The following BRME1 variants were observed in gnomAD, a reference collection of about 807,000 sequenced individuals.
The protein encoded by BRME1 is break repair meiotic recombinase recruitment factor 1.
A neutral mutation model predicts 52.6 loss-of-function variants in BRME1; 31 were observed. That is an observed-to-expected ratio of 0.59 (90% CI 0.44 to 0.80). The LOEUF (loss-of-function observed/expected upper bound fraction) is 0.80, where lower values mean the gene tolerates loss of function less well. BRME1 is among the 30% of genes least tolerant of loss of function. The probability of loss-of-function intolerance (pLI) is 0.00; values close to 1 mark genes in which losing one functional copy is unlikely to be tolerated. For synonymous variants in BRME1, 359 were observed against 353.6 expected (o/e 1.02, Z -0.17); for missense variants, 804 against 860.3 (o/e 0.93, Z 0.82).
chr19:13,891,589 C>T (rs1050066140), intron 5 of BRME1, among the ~76,000 whole-genome samples: 2 of 152,032 alleles, frequency 1.3e-5, no homozygotes, highest in Non-Finnish European at 2.9e-5. Flanking sequence ...CCACCTCAGC[C>T]TCCTAAGTAG....
At position 13,889,941 on chromosome 19, in the gene BRME1, G is replaced by C. The variant is rs527298477; in HGVS notation, c.915C>G (p.Ala305=). Residue 305 remains alanine, a synonymous_variant, in exon 6 of 9, where the codon GCC becomes GCG. Transcript: ENST00000586783. ...TCTGCTGGGGGTCAGGGGAGCCCTG[G>C]GCCACAGACCCGGGTTCCAGGCACC... is the stretch of plus-strand genomic sequence containing the variant. ...ASWCLEPGSV[A]QGSPDPQQTP... The C allele has an allele frequency of 6.2e-7, 1 of 1,612,660 alleles. No individual in the cohort carries two copies. Among genetic ancestry groups the C allele is most frequent in the Non-Finnish European group, 8.5e-7 (1 of 1,179,964 alleles).
Position 13,883,077 on chromosome 19 carries a change from A to T in BRME1, c.1857-125T>A. ...ACACACACGGCTCACACACGTGCAC[A>T]TAACCAGAAAGGGCCTGTTGTAGCA... On this transcript the variant is annotated intron_variant, in intron 8 of 8. Transcript: ENST00000586783. The surrounding 1 kb of genome is among the most constrained non-coding windows in gnomAD (Gnocchi z 4.2). 7.9e-7 allele frequency: 1 copy of T among 1,270,064 alleles called. No homozygotes were observed. Among genetic ancestry groups the T allele is most frequent in the Non-Finnish European group, 1.1e-6 (1 of 919,218 alleles). The allele number at this position is 1,270,064 out of a possible 1,614,324, so 78.7% of individuals were successfully genotyped here.
chr19:13,883,295 GC>G lies in BRME1; in HGVS notation c.1856+12del. Reference sequence around the variant, plus strand: ...CGCAGACCCTGTGCCGTGAGTCCAAGCCCACCCCGTACTTCAGGTTGGAGAG... The same window carrying G: ...CGCAGACCCTGTGCCGTGAGTCCAAGCCACCCCGTACTTCAGGTTGGAGAG... On this transcript the variant is annotated intron_variant, in intron 8 of 8. Transcript: ENST00000586783. This position sits in a 1 kb window ranked among gnomAD's most constrained non-coding sequence, Gnocchi z 4.2. The G allele has an allele frequency of 6.5e-7, 1 of 1,529,826 alleles. No individual in the cohort carries two copies. Among genetic ancestry groups the G allele is most frequent in the Non-Finnish European group, 8.8e-7 (1 of 1,141,698 alleles). The allele number at this position is 1,529,826 out of a possible 1,614,324, so 94.8% of individuals were successfully genotyped here. A position where few individuals can be genotyped will look rare whatever the true frequency, so the allele number is the denominator to read the frequency against.
In BRME1 at chr19:13,883,771, C is replaced by T. The variant is rs1037714627; in HGVS notation, c.1764-371G>A. 1.4e-4 allele frequency among the ~76,000 whole-genome samples: 22 copies of T among 151,936 alleles called. No individual in the cohort carries two copies. Among genetic ancestry groups the T allele is most frequent in the African/African-American group, 4.8e-4 (20 of 41,364 alleles). On this transcript the variant is annotated intron_variant, in intron 7 of 8. Coordinates refer to ENST00000586783, the MANE Select transcript of BRME1 (RefSeq NM_001345843.2). This position sits in a 1 kb window ranked among gnomAD's most constrained non-coding sequence, Gnocchi z 4.2. The stretch of plus-strand genomic sequence containing the variant: ...CCTGCCCCGTGCCCTCCCCTCATCC[C>T]CCGCTTCTCCCCTCCCCTCGGCTCT...
chr19:13,896,846 C>T (rs1299307590), intron 2 of BRME1, among the ~76,000 whole-genome samples: 2 of 151,750 alleles, frequency 1.3e-5, no homozygotes, highest in East Asian at 1.9e-4. Context: ...TGTGTGCCAC[C>T]ATGCCTGGCT....
In BRME1 at chr19:13,886,892, C is replaced by T. The variant is rs542830483; in HGVS notation, c.1669-837G>A. ...GGCAGGAGGATCAACTGCTTGAGCC[C>T]GGGAGGTTGAGGCTGCAGTGAGCTG... On this transcript the variant is annotated intron_variant, in intron 6 of 8. Transcript: ENST00000586783. Among the ~76,000 whole-genome samples the T allele has an allele frequency of 2.6e-5, 4 of 152,140 alleles. No homozygotes were observed. In the South Asian group the frequency reaches 6.2e-4, roughly 24 times the overall value.
intron 4 of BRME1, 58 bp downstream of exon 4, chr19:13,893,084 G>A (rs1024458988): frequency 4.0e-5 from 60 of 1,502,192 alleles, no homozygotes; most frequent in Middle Eastern, 1.7e-4. Context: ...ACACAGAGCC[G>A]GAACTTTAAG....
chr19:13,905,418 G>A (rs764275116), intron 1 of BRME1, among the ~76,000 whole-genome samples: 2 of 151,082 alleles, frequency 1.3e-5, no homozygotes, highest in Admixed American at 6.6e-5. Flanking sequence ...TGAGACAGTA[G>A]AATTCCTTGA....
chr19:13,896,414 A>G (rs1568386620), intron 2 of BRME1, among the ~76,000 whole-genome samples: 2 of 146,882 alleles, frequency 1.4e-5, no homozygotes, highest in African/African-American at 2.5e-5. Flanking sequence ...TAAATTATAT[A>G]TTTATGATAT....
chr19:13,890,299 C>A lies in BRME1; in HGVS notation c.557G>T (p.Ser186Ile). Residue 186 changes from serine to isoleucine, a missense_variant, in exon 6 of 9, where the codon AGT (serine) becomes ATT (isoleucine). Ser to Ile is a moderately radical substitution (Grantham distance 142). This residue lies in a region of BRME1 where 234 missense variants were observed against 258.1 expected (regional missense o/e 0.91). Transcript: ENST00000586783. ...SQSPVQAVPG[S>I]GDSQPDDPPD... ...AGGGTCATCAGGCTGAGAATCCCCA[C>A]TGCCGGGCACCGCCTGCACAGGGCT... 1.9e-6 allele frequency: 3 copies of A among 1,610,124 alleles called. No individual in the cohort carries two copies. Among genetic ancestry groups the A allele is most frequent in the Non-Finnish European group, 2.5e-6 (3 of 1,177,844 alleles).
chr19:13,905,676 T>C (rs1970661416), intron 1 of BRME1, 39 bp downstream of exon 1: 1 of 152,078 alleles, frequency 6.6e-6, no homozygotes, highest in Admixed American at 6.6e-5. Context: ...CATAGGCCGG[T>C]TTCTCCCAGC....
chr19:13,890,406 G>T lies in BRME1; in HGVS notation c.450C>A (p.Thr150=). ...QSPGCQLLVE[T]LGVPLQEATE... is the part of the protein sequence containing the mutation. ...TGGCCTCCTGGAGGGGGACCCCCAG[G>T]GTCTCCACTAGCAGCTGGCATCCTG... Residue 150 remains threonine, a synonymous_variant, in exon 6 of 9, where the codon ACC becomes ACA. Transcript: ENST00000586783. The T allele has an allele frequency of 6.6e-7, 1 of 1,522,568 alleles. No homozygotes were observed. The allele number at this position is 1,522,568 out of a possible 1,614,324, so 94.3% of individuals were successfully genotyped here. A position where few individuals can be genotyped will look rare whatever the true frequency, so the allele number is the denominator to read the frequency against.
At chr19:13,904,496 C>T (rs1032418433) in intron 2 of BRME1, among the ~76,000 whole-genome samples, 1 of 152,032 alleles carries the variant, frequency 6.6e-6, no homozygotes, top group Non-Finnish European at 1.5e-5. Context: ...GGCTAGAGTG[C>T]AGTGGCACCA....
At chr19:13,886,256 C>T (rs879880315) in intron 6 of BRME1, among the ~76,000 whole-genome samples, 12 of 152,222 alleles carry the variant, frequency 7.9e-5, no homozygotes, top group African/African-American at 2.7e-4. Context: ...CCAGCCTGGG[C>T]TGCGCCCGTC....
At position 13,889,699 on chromosome 19, in the gene BRME1, C is replaced by T; in HGVS notation, c.1157G>A (p.Gly386Asp). 1 of 1,609,104 alleles carries T rather than the reference C, an allele frequency of 6.2e-7. No individual in the cohort carries two copies. The highest frequency in any genetic ancestry group is 8.5e-7 in the Non-Finnish European group (1 of 1,178,370). Reference protein sequence around the residue: ...ADGGHRRALPGCTSLTGETTG... With the variant: ...ADGGHRRALPDCTSLTGETTG... ...GGTTTCCCCAGTGAGCGAGGTGCAG[C>T]CTGGCAAGGCCCTCCTGTGGCCTCC... Residue 386 changes from glycine (G) to aspartate (D), a missense_variant, in exon 6 of 9, where the codon GGC becomes GAC. Physicochemically the swap from Gly to Asp is moderately conservative, Grantham distance 94. Coordinates refer to ENST00000586783, the MANE Select transcript of BRME1 (RefSeq NM_001345843.2).
At position 13,883,084 on chromosome 19, in the gene BRME1, G is replaced by T; in HGVS notation, c.1857-132C>A. The T allele has an allele frequency of 8.5e-7, 1 of 1,181,888 alleles. No homozygotes were observed. Among genetic ancestry groups the T allele is most frequent in the Non-Finnish European group, 1.2e-6 (1 of 849,172 alleles). 73.2% of individuals were successfully genotyped at this position (1,181,888 alleles called of 1,614,324 possible). A position where few individuals can be genotyped will look rare whatever the true frequency, so the allele number is the denominator to read the frequency against. The stretch of plus-strand genomic sequence containing the variant: ...CGGCTCACACACGTGCACATAACCA[G>T]AAAGGGCCTGTTGTAGCACAGGCTG... On this transcript the variant is annotated intron_variant, in intron 8 of 8. Coordinates refer to ENST00000586783, the MANE Select transcript of BRME1 (RefSeq NM_001345843.2). The surrounding 1 kb of genome is among the most constrained non-coding windows in gnomAD (Gnocchi z 4.2).
chr19:13,890,272 G>A lies in BRME1; in HGVS notation c.584C>T (p.Pro195Leu). ...GGCGGACAACCCCGTCCCCCTGTCT[G>A]GAGGGTCATCAGGCTGAGAATCCCC... ...GSGDSQPDDP[P>L]DRGTGLSASQ... The change falls in exon 6 of 9, where the codon CCA becomes CTA. Residue 195 changes from proline to leucine, a missense_variant. Around this residue, in one of 3 missense-constraint regions of BRME1, gnomAD observed 234 missense variants for 258.1 expected, o/e 0.91. Transcript: ENST00000586783. 6.2e-7 allele frequency: 1 copy of A among 1,613,468 alleles called. No homozygotes were observed. Among genetic ancestry groups the A allele is most frequent in the South Asian group, 1.1e-5 (1 of 91,032 alleles).
At position 13,882,992 on chromosome 19, in the gene BRME1, T is replaced by C. The variant is rs778745277; in HGVS notation, c.1857-40A>G. The C allele has an allele frequency of 3.1e-6, 5 of 1,594,502 alleles. No individual in the cohort carries two copies. In the Admixed American group the frequency reaches 8.8e-5, roughly 28 times the overall value. ...CAGGCATGCGTGTGGGGCTCAGTGGTCACCAGGTGACAGAGGGGGCCGCGC... is the reference window on the plus strand; with the variant it reads ...CAGGCATGCGTGTGGGGCTCAGTGGCCACCAGGTGACAGAGGGGGCCGCGC... On this transcript the variant is annotated intron_variant, in intron 8 of 8. Transcript: ENST00000586783.
At chr19:13,891,824 G>A (rs940208524) in intron 5 of BRME1, among the ~76,000 whole-genome samples, 2 of 150,042 alleles carry the variant, frequency 1.3e-5, no homozygotes, top group Non-Finnish European at 3.0e-5. Context: ...TGTAATCCCA[G>A]CACTTTGAGA....
Sources: allele counts gnomAD v4.1 joint callset (sites outside exome capture counted in the v4.1 genomes callset), GRCh38; gene constraint gnomAD v4.1.1; regional missense constraint gnomAD v4.1.1; non-coding constraint Gnocchi (gnomAD v3.1); transcripts MANE v1.5; gene names NCBI Gene and HGNC (gene_info 2026-07-23, HGNC 2026-07-21).